The following HMCN1 variants were observed in gnomAD, a reference collection of about 807,000 sequenced individuals.
The protein encoded by HMCN1 is hemicentin 1.
In HMCN1, 321 loss-of-function variants were observed where a neutral mutation model predicts 625.9. The observed-to-expected ratio is 0.51, with a 90% CI of 0.47 to 0.56. The LOEUF (loss-of-function observed/expected upper bound fraction) is 0.56. HMCN1 is among the 20% of genes least tolerant of loss of function. HMCN1 has a pLI of 0.00. For synonymous variants in HMCN1, 2,425 were observed against 2,417.6 expected, an observed-to-expected ratio of 1.00 and a Z score of -0.09; for missense variants, 6,588 against 6,887.3, an observed-to-expected ratio of 0.96 and a Z score of 1.54.
At chr1:185,938,412 A>G (rs970049485) in intron 11 of HMCN1, among the ~76,000 whole-genome samples, 1 of 152,206 alleles carries the variant, frequency 6.6e-6, no homozygotes, top group Non-Finnish European at 1.5e-5. Flanking sequence ...TTCTTATGCT[A>G]AAAGTTAGAT....
chr1:186,089,774 G>A (rs1456810772), intron 63 of HMCN1, among the ~76,000 whole-genome samples: 1 of 136,774 alleles, frequency 7.3e-6, no homozygotes, highest in African/African-American at 2.8e-5. Context: ...ATTATAGGAT[G>A]TCTCTTATTA....
chr1:186,164,638 A>G (rs1651761329), intron 97 of HMCN1, among the ~76,000 whole-genome samples: 1 of 152,172 alleles, frequency 6.6e-6, no homozygotes, highest in Non-Finnish European at 1.5e-5. Flanking sequence ...TTTTGACCCA[A>G]ATGCTCAATA....
At chr1:186,122,362 C>A (rs982093171) in intron 80 of HMCN1, among the ~76,000 whole-genome samples, 1 of 152,058 alleles carries the variant, frequency 6.6e-6, no homozygotes, top group Non-Finnish European at 1.5e-5. Flanking sequence ...TGGTGATCAG[C>A]CTATTGTAAA....
rs557680949 is a variant in HMCN1, at chr1:186,000,881, C to T, written c.4070-417C>T. 6.6e-5 allele frequency among the ~76,000 whole-genome samples: 10 copies of T among 151,764 alleles called. No individual in the cohort carries two copies. The South Asian group carries it at 2.1e-3, about 32-fold the overall frequency. Reference sequence around the variant, plus strand: ...TTAAATGAAAATACTGTATATATGCCATTTTGCAAAAGTGAAAGTGTATAT... The same window carrying T: ...TTAAATGAAAATACTGTATATATGCTATTTTGCAAAAGTGAAAGTGTATAT... On this transcript the variant is annotated intron_variant, in intron 26 of 106. Coordinates refer to ENST00000271588, the MANE Select transcript of HMCN1 (RefSeq NM_031935.3).
chr1:185,885,689 G>A (rs940461202), intron 4 of HMCN1, among the ~76,000 whole-genome samples: 2 of 151,930 alleles, frequency 1.3e-5, no homozygotes, highest in Non-Finnish European at 2.9e-5. Context: ...CTATAACTAG[G>A]TGAATCAGAA....
chr1:185,810,818 C>T (rs1659469671), intron 1 of HMCN1, among the ~76,000 whole-genome samples: 1 of 152,036 alleles, frequency 6.6e-6, no homozygotes, highest in African/African-American at 2.4e-5. Context: ...AGCTTATTCA[C>T]AGTAAATCAG....
chr1:185,933,720 C>A lies in HMCN1; in HGVS notation c.1724C>A (p.Ser575Ter). 1 of 1,613,902 alleles carries A rather than the reference C, an allele frequency of 6.2e-7. No homozygotes were observed. The highest frequency in any genetic ancestry group is 1.1e-5 in the South Asian group (1 of 91,070). Residue 575 changes from serine (S) to a stop codon, truncating the protein, a stop_gained, in exon 11 of 107, where the codon TCA becomes TAA. Transcript: ENST00000271588. LOFTEE classifies it high-confidence loss of function. Reference sequence around the variant, plus strand: ...AGAATTAGGACCTTGGCTAATCTGTCATTGGAGCTAAAGAGTGTGAAATTC... The same window carrying A: ...AGAATTAGGACCTTGGCTAATCTGTAATTGGAGCTAAAGAGTGTGAAATTC... ...PARIRTLANL[S>*]LELKSVKFND...
chr1:186,128,909 T>C (rs1035626512), intron 83 of HMCN1, among the ~76,000 whole-genome samples: 1 of 152,100 alleles, frequency 6.6e-6, no homozygotes, highest in East Asian at 1.9e-4. Flanking sequence ...AGTATTACAC[T>C]GTTAGCATTT....
intron 15 of HMCN1, among the ~76,000 whole-genome samples, chr1:185,972,200 T>A (rs1305915010): frequency 6.6e-6 from 1 of 152,144 alleles, no homozygotes; most frequent in African/African-American, 2.4e-5. Context: ...AGAGAAACAG[T>A]CTCAGTAATT....
intron 2 of HMCN1, among the ~76,000 whole-genome samples, chr1:185,850,591 G>T (rs1409090838): frequency 6.6e-6 from 1 of 152,080 alleles, no homozygotes; most frequent in Non-Finnish European, 1.5e-5. Flanking sequence ...CATACTCCAT[G>T]ACTGCCTCTG....
chr1:186,087,733 C>A, intron 60 of HMCN1, 88 bp downstream of exon 60: 2 of 1,318,674 alleles, frequency 1.5e-6, no homozygotes, highest in South Asian at 1.2e-5. Flanking sequence ...CCTTTTACTA[C>A]AGTGAAAAAT....
At chr1:185,898,844 A>C (rs1665642697) in intron 4 of HMCN1, among the ~76,000 whole-genome samples, 1 of 152,058 alleles carries the variant, frequency 6.6e-6, no homozygotes, top group South Asian at 2.1e-4. Context: ...TGAAAAGTGA[A>C]GAAGATATTG....
chr1:186,039,943 A>G, intron 39 of HMCN1, 64 bp downstream of exon 39: 14 of 1,467,566 alleles, frequency 9.5e-6, no homozygotes, highest in Non-Finnish European at 1.2e-5. Flanking sequence ...AAGTACACAC[A>G]GGTAAAACTG....
At chr1:186,179,201 G>A (rs1652786037) in intron 104 of HMCN1, among the ~76,000 whole-genome samples, 1 of 152,110 alleles carries the variant, frequency 6.6e-6, no homozygotes, top group Admixed American at 6.6e-5. Flanking sequence ...TGCTTGTTCT[G>A]TATAACAACC....
At chr1:185,969,410 A>G (rs1265762964) in intron 14 of HMCN1, among the ~76,000 whole-genome samples, 1 of 152,162 alleles carries the variant, frequency 6.6e-6, no homozygotes, top group African/African-American at 2.4e-5. Context: ...AAATTATATA[A>G]GCAGAAAGAG....
intron 5 of HMCN1, among the ~76,000 whole-genome samples, chr1:185,909,963 T>C (rs1467036864): frequency 6.6e-6 from 1 of 152,112 alleles, no homozygotes; most frequent in Non-Finnish European, 1.5e-5. Context: ...AAACCAAATT[T>C]ATATTCTTAG....
intron 105 of HMCN1, among the ~76,000 whole-genome samples, 154 bp downstream of exon 105, chr1:186,182,441 C>G (rs1287430801): frequency 6.6e-6 from 1 of 152,010 alleles, no homozygotes; most frequent in African/African-American, 2.4e-5. Flanking sequence ...CTTTTGCAAG[C>G]AGGAGAAGCA....
chr1:186,190,089 ATTATT>A lies in HMCN1; in HGVS notation c.*218_*222del, dbSNP rs1653628793. 3.3e-6 allele frequency: 2 copies of A among 601,834 alleles called. No homozygotes were observed. Among genetic ancestry groups the A allele is most frequent in the South Asian group, 2.0e-5 (1 of 50,942 alleles). 37.3% of individuals were successfully genotyped at this position (601,834 alleles called of 1,614,324 possible). On this transcript the variant is annotated 3_prime_UTR_variant, in exon 107 of 107. Transcript: ENST00000271588. The stretch of plus-strand genomic sequence containing the variant: ...GAAGTATGGTCTAGAAAAGTCCCTT[ATTATT>A]TTATTTATTACACTGGAGCAGTTAC...
At chr1:185,871,959 A>T (rs1663646324) in intron 4 of HMCN1, among the ~76,000 whole-genome samples, 1 of 152,180 alleles carries the variant, frequency 6.6e-6, no homozygotes, top group Non-Finnish European at 1.5e-5. Flanking sequence ...TTTCACTCCA[A>T]AAATTATTTC....
Sources: gnomAD v4.1 joint callset for allele counts (sites outside exome capture counted in the v4.1 genomes callset) on GRCh38, gnomAD v4.1.1 for gene constraint, MANE v1.5 for transcripts, NCBI Gene and HGNC (gene_info 2026-07-23, HGNC 2026-07-21) for gene names.